The following ZNF442 variants were observed in gnomAD, a reference collection of about 807,000 sequenced individuals.
ZNF442 encodes zinc finger protein 442.
In ZNF442, 45 loss-of-function variants were observed where a neutral mutation model predicts 57.0. That is an observed-to-expected ratio of 0.79 (90% CI 0.62 to 1.01). ZNF442 has a LOEUF of 1.01. ZNF442 is among the 50% of genes least tolerant of loss of function. The pLI is 0.00. For missense variants in ZNF442, 690 were observed against 756.5 expected (o/e 0.91, Z 1.03); for synonymous variants, 213 against 241.8 (o/e 0.88, Z 1.10).
At chr19:12,370,097 T>G (rs1969568774), upstream of ZNF442, among the ~76,000 whole-genome samples, 1 of 151,852 alleles carries the variant, frequency 6.6e-6, no homozygotes, top group Non-Finnish European at 1.5e-5. Context: ...TACATTACAT[T>G]GATTGTGCAC....
Position 12,349,840 on chromosome 19 carries a change from G to T in ZNF442, c.1745C>A (p.Thr582Asn). 1.2e-6 allele frequency: 2 copies of T among 1,611,206 alleles called. No individual in the cohort carries two copies. The highest frequency in any genetic ancestry group is 2.7e-5 in the African/African-American group (2 of 74,274). ...ATGTCCTCGAAGGAAACGAGAACGA[G>T]TGAAGGCTTTACCACATTGTTGACA... ...YECQQCGKAF[T>N]RSRFLRGHEK... The change falls in exon 6 of 6, where the codon ACT (threonine) becomes AAT (asparagine). Residue 582 changes from threonine to asparagine, a missense_variant. Transcript: ENST00000242804.
intron 3 of ZNF442, among the ~76,000 whole-genome samples, chr19:12,355,387 G>A (rs560914557): frequency 5.3e-4 from 77 of 145,712 alleles, no homozygotes; most frequent in Admixed American, 1.0e-3. Context: ...TTGAGACGGA[G>A]TTTCGCTCTT....
In ZNF442 at chr19:12,348,973, G is replaced by C. The variant is rs1969168632; in HGVS notation, c.*728C>G. ...AGGCAGGCAGATCATCTGAGGTCAG[G>C]AGTTCGAGACCAGCCTGACCAATAT... On this transcript the variant is annotated 3_prime_UTR_variant, in exon 6 of 6. Transcript: ENST00000242804. The C allele has an allele frequency of 6.9e-6, 1 of 144,758 alleles. No homozygotes were observed. The highest frequency in any genetic ancestry group is 1.5e-5 in the Non-Finnish European group (1 of 67,182). 9.0% of individuals were successfully genotyped at this position (144,758 alleles called of 1,614,324 possible). A position where few individuals can be genotyped will look rare whatever the true frequency, so the allele number is the denominator to read the frequency against.
chr19:12,368,090 G>T (rs182734408), upstream of ZNF442, among the ~76,000 whole-genome samples: 1 of 152,114 alleles, frequency 6.6e-6, no homozygotes, highest in Non-Finnish European at 1.5e-5. Context: ...CAACCCCACA[G>T]GCAGTCAGAC....
intron 5 of ZNF442, 45 bp downstream of exon 5, chr19:12,351,965 A>G: frequency 6.4e-7 from 1 of 1,561,782 alleles, no homozygotes. Context: ...TCATCCTAAG[A>G]ATTGCTCCAC....
In ZNF442 at chr19:12,350,784, G is replaced by A. The variant is rs537337146; in HGVS notation, c.801C>T (p.Cys267=). 3 of 1,613,928 alleles carry A rather than the reference G, an allele frequency of 1.9e-6. No individual in the cohort carries two copies. Among genetic ancestry groups the A allele is most frequent in the African/African-American group, 2.7e-5 (2 of 74,940 alleles). The change falls in exon 6 of 6, where the codon TGC becomes TGT. Residue 267 remains cysteine (C), a synonymous_variant. Coordinates refer to ENST00000242804, the MANE Select transcript of ZNF442 (RefSeq NM_030824.3). ...CAGGGAAGGCTTTGGAACAGTGCTTGCATTCATATGGTTTCTCCCCAGTGT... is the reference window on the plus strand; with the variant it reads ...CAGGGAAGGCTTTGGAACAGTGCTTACATTCATATGGTTTCTCCCCAGTGT... ...RTHTGEKPYE[C]KHCSKAFPDY... is the part of the protein sequence containing the mutation.
At chr19:12,372,477 A>C in the ZNF442 span, among the ~76,000 whole-genome samples, 304 of 152,248 alleles carry the variant, frequency 2.0e-3, 2 homozygotes, top group African/African-American at 7.0e-3. Context: ...AAAAAGAGAA[A>C]AAAGAAATAC....
At chr19:12,371,587 C>T in the ZNF442 span, among the ~76,000 whole-genome samples, 6 of 152,108 alleles carry the variant, frequency 3.9e-5, no homozygotes, top group African/African-American at 1.4e-4. Flanking sequence ...AAAATAAACA[C>T]TCATATAACC....
rs181943193 is a variant in ZNF442 at position 12,354,044 on chromosome 19, T to C, written c.79-930A>G. Among the ~76,000 whole-genome samples, 302 of 152,316 alleles carry C rather than the reference T, an allele frequency of 2.0e-3. 1 individual carries two copies. The highest frequency in any genetic ancestry group is 2.7e-3 in the South Asian group (13 of 4,830). On this transcript the variant is annotated intron_variant, in intron 3 of 5. Transcript: ENST00000242804. ...CCAGAACCACAAAATATATACACTG[T>C]TTCATTTAAATCATCTAGCTTCAGG...
chr19:12,348,051 G>A lies in ZNF442; in HGVS notation c.*1650C>T, dbSNP rs969509813. On this transcript the variant is annotated 3_prime_UTR_variant, in exon 6 of 6. Coordinates refer to ENST00000242804, the MANE Select transcript of ZNF442 (RefSeq NM_030824.3). ...CCTCTGCAAGGTGAAAAGTATTAAA[G>A]ATTACAATCCTCGCAGGGCACGGTG... 2.0e-5 allele frequency: 3 copies of A among 152,090 alleles called. No individual in the cohort carries two copies. Among genetic ancestry groups the A allele is most frequent in the African/African-American group, 7.2e-5 (3 of 41,400 alleles). The allele number at this position is 152,090 out of a possible 1,614,324, so 9.4% of individuals were successfully genotyped here.
chr19:12,365,574 T>C lies in ZNF442; in HGVS notation c.-524A>G. On this transcript the variant is annotated 5_prime_UTR_variant, in exon 1 of 6. Coordinates refer to ENST00000242804, the MANE Select transcript of ZNF442 (RefSeq NM_030824.3). Reference sequence around the variant, plus strand: ...CGGTGTCCCGTGTTCTCCCCAAGGTTCCCCGCTGCCAGCATAGGACTCAGC... The same window carrying C: ...CGGTGTCCCGTGTTCTCCCCAAGGTCCCCCGCTGCCAGCATAGGACTCAGC... 1 of 415,738 alleles carries C rather than the reference T, an allele frequency of 2.4e-6. No homozygotes were observed. The highest frequency in any genetic ancestry group is 4.4e-4 in the Middle Eastern group (1 of 2,292). The allele number at this position is 415,738 out of a possible 1,614,324, so 25.8% of individuals were successfully genotyped here. A position where few individuals can be genotyped will look rare whatever the true frequency, so the allele number is the denominator to read the frequency against.
chr19:12,373,692 T>C, the ZNF442 span: 1 of 300,132 alleles, frequency 3.3e-6, no homozygotes, highest in Non-Finnish European at 6.8e-6. Context: ...AGTGTTTCTG[T>C]AAGTATGCGA....
chr19:12,352,124 A>T, intron 4 of ZNF442, 54 bp from the exon 5 acceptor site: 1 of 1,533,762 alleles, frequency 6.5e-7, no homozygotes, highest in South Asian at 1.2e-5. Context: ...TTCTAAAAAC[A>T]CTACAAGATT....
At chr19:12,360,379 C>G (rs1441381262) in intron 3 of ZNF442, among the ~76,000 whole-genome samples, 1 of 152,188 alleles carries the variant, frequency 6.6e-6, no homozygotes, top group Non-Finnish European at 1.5e-5. Flanking sequence ...AGGCTTCTCC[C>G]ATGGCTGGAG....
intron 3 of ZNF442, among the ~76,000 whole-genome samples, chr19:12,360,653 T>C (rs1969409484): frequency 6.6e-6 from 1 of 152,348 alleles, no homozygotes. Flanking sequence ...CTCAGCTCAC[T>C]GCAACCTACA....
At chr19:12,367,890 G>A (rs1462800076), upstream of ZNF442, among the ~76,000 whole-genome samples, 3 of 151,982 alleles carry the variant, frequency 2.0e-5, no homozygotes, top group South Asian at 4.2e-4. Flanking sequence ...GGATGGTCTC[G>A]ATCTCCTGAT....
At chr19:12,363,017 G>T (rs1311354805) in intron 3 of ZNF442, among the ~76,000 whole-genome samples, 1 of 151,780 alleles carries the variant, frequency 6.6e-6, no homozygotes, top group African/African-American at 2.4e-5. Flanking sequence ...AAATTAGCCA[G>T]GTGTGGTGGT....
intron 5 of ZNF442, chr19:12,351,763 A>C: frequency 2.4e-6 from 1 of 418,540 alleles, no homozygotes; most frequent in South Asian, 3.8e-5. Flanking sequence ...TTGGCCTCCC[A>C]AAGTGCTGGG....
chr19:12,350,655 T>C lies in ZNF442; in HGVS notation c.930A>G (p.Ile310Met), dbSNP rs1969212554. ...TCTCTCCAGTGTGAGTTCTTTCATGTATTCGAAGGGAACTGGAAACACTGA... is the reference window on the plus strand; with the variant it reads ...TCTCTCCAGTGTGAGTTCTTTCATGCATTCGAAGGGAACTGGAAACACTGA... ...RAFSVSSSLR[I>M]HERTHTGEKP... The change falls in exon 6 of 6, where the codon ATA becomes ATG. Residue 310 changes from isoleucine (I) to methionine (M), a missense_variant. Physicochemically the swap from Ile to Met is conservative, Grantham distance 10. Transcript: ENST00000242804. 2 of 1,613,486 alleles carry C rather than the reference T, an allele frequency of 1.2e-6. No individual in the cohort carries two copies. Among genetic ancestry groups the C allele is most frequent in the South Asian group, 1.1e-5 (1 of 91,062 alleles).
Sources: gnomAD v4.1 joint callset for allele counts (sites outside exome capture counted in the v4.1 genomes callset) on GRCh38, gnomAD v4.1.1 for gene constraint, MANE v1.5 for transcripts, NCBI Gene and HGNC (gene_info 2026-07-23, HGNC 2026-07-21) for gene names.